The following PRKN variants were observed in gnomAD, a reference collection of about 807,000 sequenced individuals.
PRKN encodes parkin RBR E3 ubiquitin protein ligase.
PRKN carries 56 observed loss-of-function variants against 59.5 expected under a neutral mutation model. The observed-to-expected ratio is 0.94, with a 90% confidence interval of 0.76 to 1.18. The LOEUF is 1.18. PRKN is among the 50% of genes most tolerant of loss of function. The pLI, the probability that PRKN is intolerant of heterozygous loss-of-function variation, is 0.00. For missense variants in PRKN, 657 were observed against 596.4 expected, an observed-to-expected ratio of 1.10 and a Z score of -1.06; for synonymous variants, 250 against 222.1, an observed-to-expected ratio of 1.13 and a Z score of -1.12.
At chr6:161,648,771 T>C (rs752593936) in intron 7 of PRKN, among the ~76,000 whole-genome samples, 3 of 152,166 alleles carry the variant, frequency 2.0e-5, no homozygotes, top group Admixed American at 6.5e-5. Context: ...ACTTAAGCAT[T>C]CAAGCCCAGT....
At chr6:162,464,487 A>C (rs1791322482) in intron 1 of PRKN, among the ~76,000 whole-genome samples, 1 of 152,068 alleles carries the variant, frequency 6.6e-6, no homozygotes, top group South Asian at 2.1e-4. Flanking sequence ...GTAATGGAGC[A>C]AACTTTCAAA....
chr6:162,308,685 G>C (rs1011931496), intron 2 of PRKN, among the ~76,000 whole-genome samples: 3 of 152,088 alleles, frequency 2.0e-5, no homozygotes, highest in African/African-American at 7.2e-5. Flanking sequence ...CCCATCTGTT[G>C]TACGGGTAGG....
At chr6:162,111,507 A>G (rs574991528) in intron 4 of PRKN, among the ~76,000 whole-genome samples, 2 of 152,120 alleles carry the variant, frequency 1.3e-5, no homozygotes, top group Admixed American at 6.6e-5. Flanking sequence ...CAAATCCACC[A>G]ACACACACGC....
At chr6:161,753,213 A>C (rs1199488187) in intron 7 of PRKN, among the ~76,000 whole-genome samples, 1 of 152,156 alleles carries the variant, frequency 6.6e-6, no homozygotes. Context: ...GTTGCATGAT[A>C]GTTGTCTGGG....
chr6:161,980,036 T>C (rs1031058435), intron 5 of PRKN, among the ~76,000 whole-genome samples: 1 of 152,182 alleles, frequency 6.6e-6, no homozygotes, highest in Non-Finnish European at 1.5e-5. Flanking sequence ...TTGATAGATT[T>C]CAAATTACTA....
intron 1 of PRKN, among the ~76,000 whole-genome samples, chr6:162,544,719 C>A (rs542000849): frequency 7.0e-6 from 1 of 141,956 alleles, no homozygotes; most frequent in Non-Finnish European, 1.5e-5. Context: ...GCTCTGTCAC[C>A]CAAGCTGGAG....
chr6:162,303,886 G>A (rs1407730917), intron 2 of PRKN, among the ~76,000 whole-genome samples: 1 of 152,094 alleles, frequency 6.6e-6, no homozygotes, highest in Admixed American at 6.6e-5. Flanking sequence ...GCCAGGAGGA[G>A]GCAATGGGAG....
At chr6:161,789,404 C>T (rs144834619) in intron 6 of PRKN, among the ~76,000 whole-genome samples, 4 of 152,282 alleles carry the variant, frequency 2.6e-5, no homozygotes, top group Non-Finnish European at 5.9e-5. Context: ...CCTCCGTCCC[C>T]TCCAGCTGGG....
chr6:162,542,673 T>C (rs1778970608), intron 1 of PRKN, among the ~76,000 whole-genome samples: 1 of 152,156 alleles, frequency 6.6e-6, no homozygotes, highest in African/African-American at 2.4e-5. Context: ...GAGAACATTA[T>C]GTCTCTCAGA....
chr6:161,678,097 G>A (rs1785155600), intron 7 of PRKN, among the ~76,000 whole-genome samples: 1 of 151,574 alleles, frequency 6.6e-6, no homozygotes, highest in Non-Finnish European at 1.5e-5. Context: ...TATTTTGAAT[G>A]GTATTTTGTT....
intron 6 of PRKN, among the ~76,000 whole-genome samples, chr6:161,819,023 C>T (rs538184833): frequency 6.6e-6 from 1 of 152,292 alleles, no homozygotes; most frequent in East Asian, 1.9e-4. Flanking sequence ...CCTCAACGCA[C>T]TGCGGTTATG....
chr6:161,895,286 C>T (rs1045418465), intron 6 of PRKN, among the ~76,000 whole-genome samples: 7 of 152,144 alleles, frequency 4.6e-5, no homozygotes, highest in Admixed American at 1.3e-4. Flanking sequence ...ACACTAGAGT[C>T]GGCAAGAGGA....
At position 161,463,426 on chromosome 6, in the gene PRKN, A is replaced by G. The variant is rs1790309109; in HGVS notation, c.1084-76549T>C. The stretch of plus-strand genomic sequence containing the variant: ...CTAAGAAGACATTAAAAATCCTGAA[A>G]TTGGCCATATCATCCTGCCCCTCCT... On this transcript the variant is annotated intron_variant, in intron 9 of 11. Transcript: ENST00000366898. The surrounding 1 kb of genome is among the most constrained non-coding windows in gnomAD (Gnocchi z 4.8). 6.6e-6 allele frequency among the ~76,000 whole-genome samples: 1 copy of G among 152,170 alleles called. No homozygotes were observed. Among genetic ancestry groups the G allele is most frequent in the African/African-American group, 2.4e-5 (1 of 41,430 alleles).
At chr6:162,499,122 G>A (rs1262589794) in intron 1 of PRKN, among the ~76,000 whole-genome samples, 1 of 152,028 alleles carries the variant, frequency 6.6e-6, no homozygotes, top group Non-Finnish European at 1.5e-5. Flanking sequence ...TCCTGATCTG[G>A]CCTCTCCCTG....
intron 4 of PRKN, among the ~76,000 whole-genome samples, chr6:162,133,416 C>T: frequency 6.6e-6 from 1 of 152,018 alleles, no homozygotes; most frequent in Non-Finnish European, 1.5e-5. Context: ...TGGTGCTGTG[C>T]TCTGGGGTAA....
At chr6:161,383,470 G>C (rs1449443375) in intron 10 of PRKN, among the ~76,000 whole-genome samples, 1 of 152,198 alleles carries the variant, frequency 6.6e-6, no homozygotes, top group Non-Finnish European at 1.5e-5. Flanking sequence ...CTTGTGTCTG[G>C]CTTCGGTGGG....
At chr6:162,335,327 C>A (rs1783792540) in intron 2 of PRKN, among the ~76,000 whole-genome samples, 1 of 152,142 alleles carries the variant, frequency 6.6e-6, no homozygotes, top group Non-Finnish European at 1.5e-5. Flanking sequence ...CAGGCATGGG[C>A]CACTGCACCT....
At chr6:162,086,891 G>A (rs778975282) in intron 4 of PRKN, among the ~76,000 whole-genome samples, 12 of 152,306 alleles carry the variant, frequency 7.9e-5, no homozygotes, top group South Asian at 2.1e-4. Context: ...CTCACAGTTC[G>A]TATTTGTGGA....
At chr6:161,638,089 A>G (rs6455743) in intron 7 of PRKN, among the ~76,000 whole-genome samples, 102,775 of 151,738 alleles carry the variant, frequency 0.68, 36,737 homozygotes, top group African/African-American at 0.92. Flanking sequence ...TAATTACAAA[A>G]CTTTACCTTT....
Sources: gnomAD v4.1 joint callset for allele counts (sites outside exome capture counted in the v4.1 genomes callset) on GRCh38, gnomAD v4.1.1 for gene constraint, Gnocchi (gnomAD v3.1) non-coding constraint, MANE v1.5 for transcripts, NCBI Gene and HGNC (gene_info 2026-07-23, HGNC 2026-07-21) for gene names.